ANK2: variants seen among roughly 807,000 people sequenced by gnomAD.
The protein encoded by ANK2 is ankyrin 2.
Under a neutral mutation model 360.5 loss-of-function variants are expected in ANK2, and 83 were observed. That is an observed-to-expected ratio of 0.23 (90% confidence interval 0.19 to 0.28). The LOEUF is 0.28. Ranked by LOEUF, ANK2 falls within the 10% of genes least tolerant of loss-of-function variation. The pLI is 1.00. For missense variants in ANK2, 4,201 were observed against 4,795.7 expected, an observed-to-expected ratio of 0.88 and a Z score of 3.66; for synonymous variants, 1,740 against 1,759.5, an observed-to-expected ratio of 0.99 and a Z score of 0.28.
chr4:113,329,265 T>C (rs1203438472), intron 26 of ANK2, among the ~76,000 whole-genome samples: 1 of 152,194 alleles, frequency 6.6e-6, no homozygotes, highest in Non-Finnish European at 1.5e-5. Context: ...CAAATTAACC[T>C]GGATCAGGAT....
chr4:113,233,345 C>T lies in ANK2; in HGVS notation c.483+1086C>T, dbSNP rs528991380. Among the ~76,000 whole-genome samples the T allele has an allele frequency of 2.4e-3, 361 of 150,876 alleles. 1 individual carries two copies. Among genetic ancestry groups the T allele is most frequent in the African/African-American group, 7.4e-3 (304 of 41,082 alleles). On this transcript the variant is annotated intron_variant, in intron 5 of 45. Coordinates refer to ENST00000357077, the MANE Select transcript of ANK2 (RefSeq NM_001148.6). ...AGAGACGGGGTTTCACCGTTTTAGC[C>T]GGGATGGTCTCGATCTCTTGACCTC...
upstream of ANK2, among the ~76,000 whole-genome samples, chr4:113,049,059 A>G (rs575990694): frequency 2.6e-5 from 4 of 152,134 alleles, no homozygotes; most frequent in African/African-American, 9.7e-5. Flanking sequence ...TCAGAAGCTT[A>G]CATTGGAAAG....
rs189281038 is a variant in ANK2 at position 112,831,725 on chromosome 4, A to G, written c.-40+13461A>G. On this transcript the variant is annotated intron_variant, in intron 1 of 30. Transcript: ENST00000503271. ...TCGCTCTTCACAATAAATCTTGCTG[A>G]TGCTCAGTCTTTGGGTCCACGCCAC... Among the ~76,000 whole-genome samples, 875 of 152,252 alleles carry G rather than the reference A, an allele frequency of 5.7e-3. 6 individuals carry two copies. Among genetic ancestry groups the G allele is most frequent in the African/African-American group, 0.02 (825 of 41,540 alleles).
At chr4:112,995,516 G>T (rs2048233690) in intron 2 of ANK2, among the ~76,000 whole-genome samples, 1 of 152,160 alleles carries the variant, frequency 6.6e-6, no homozygotes, top group Non-Finnish European at 1.5e-5. Flanking sequence ...TGCATAGTTT[G>T]TGAATATTTT....
chr4:113,189,464 A>C (rs933837289), intron 2 of ANK2, among the ~76,000 whole-genome samples: 3 of 152,240 alleles, frequency 2.0e-5, no homozygotes, highest in Non-Finnish European at 4.4e-5. Flanking sequence ...AATGTTTAGC[A>C]AACAATAAAT....
chr4:113,350,167 C>G, intron 36 of ANK2, 61 bp from the exon 37 acceptor site: 5 of 1,506,172 alleles, frequency 3.3e-6, no homozygotes, highest in African/African-American at 1.4e-5. Flanking sequence ...TTTGTGCACA[C>G]CAGGGGCTAT....
intron 2 of ANK2, among the ~76,000 whole-genome samples, chr4:113,019,270 A>T (rs1314676514): frequency 1.3e-5 from 2 of 152,208 alleles, no homozygotes; most frequent in Non-Finnish European, 2.9e-5. Context: ...AAATGGAAAC[A>T]CAGAGCGTGT....
In ANK2 at chr4:113,278,452, C is replaced by T. The variant is rs752177494; in HGVS notation, c.1783-8C>T. 1 of 1,613,644 alleles carries T rather than the reference C, an allele frequency of 6.2e-7. No individual in the cohort carries two copies. ...ATTAATGCTGAAACTTAAACACACC[C>T]TTTACAGAACGGCCTTACCCCGCTC... On this transcript the variant is annotated splice_polypyrimidine_tract_variant and splice_region_variant and intron_variant, in intron 16 of 45. Coordinates refer to ENST00000357077, the MANE Select transcript of ANK2 (RefSeq NM_001148.6).
rs540279052 is a variant in ANK2 at position 113,343,399 on chromosome 4, C to T, written c.4248+257C>T. On this transcript the variant is annotated intron_variant, in intron 34 of 45. Transcript: ENST00000357077. ...CAACTCATTAATTAGGCACAGTGACCGGTATTTTCCAAATTTGAAGGAAAG... is the reference window on the plus strand; with the variant it reads ...CAACTCATTAATTAGGCACAGTGACTGGTATTTTCCAAATTTGAAGGAAAG... Among the ~76,000 whole-genome samples, 29 of 152,082 alleles carry T rather than the reference C, an allele frequency of 1.9e-4. No homozygotes were observed. In the South Asian group the frequency reaches 4.4e-3, roughly 23 times the overall value.
chr4:112,928,005 T>C (rs941934589), intron 2 of ANK2, among the ~76,000 whole-genome samples: 1 of 152,224 alleles, frequency 6.6e-6, no homozygotes. Context: ...TCTTTCTGAT[T>C]TTCTAACATT....
intron 1 of ANK2, among the ~76,000 whole-genome samples, chr4:113,105,750 T>A (rs1303560653): frequency 6.6e-6 from 1 of 152,190 alleles, no homozygotes; most frequent in African/African-American, 2.4e-5. Flanking sequence ...GCCATCATGT[T>A]TGAAATTTTC....
At chr4:112,860,949 C>T (rs1471737008) in intron 1 of ANK2, among the ~76,000 whole-genome samples, 3 of 152,136 alleles carry the variant, frequency 2.0e-5, no homozygotes, top group African/African-American at 7.2e-5. Context: ...GTGCTTTCCT[C>T]AGGGAAGGTA....
At chr4:113,061,115 T>A (rs2073121679) in intron 1 of ANK2, among the ~76,000 whole-genome samples, 1 of 152,064 alleles carries the variant, frequency 6.6e-6, no homozygotes, top group South Asian at 2.1e-4. Context: ...AACTGGTGCT[T>A]TAAACTGTTT....
intron 2 of ANK2, among the ~76,000 whole-genome samples, chr4:112,951,081 CAAAAAAAA>C (rs1184265938): frequency 3.6e-5 from 2 of 55,946 alleles, no homozygotes; most frequent in African/African-American, 6.6e-5. Context: ...GCCTCCGTCT[CAAAAAAAA>C]AAAAAAAAAA....
chr4:112,921,034 G>T (rs112220498), intron 2 of ANK2, among the ~76,000 whole-genome samples: 3 of 149,394 alleles, frequency 2.0e-5, no homozygotes, highest in African/African-American at 7.4e-5. Context: ...ATAATTTTAT[G>T]TATTATTTTC....
intron 1 of ANK2, among the ~76,000 whole-genome samples, chr4:113,167,394 G>T (rs959966412): frequency 5.3e-5 from 8 of 151,530 alleles, no homozygotes; most frequent in African/African-American, 1.9e-4. Context: ...CTGCCTCCCG[G>T]ATCCGAGCGA....
chr4:113,363,866 A>G (rs2096381054), intron 40 of ANK2, among the ~76,000 whole-genome samples: 1 of 152,172 alleles, frequency 6.6e-6, no homozygotes, highest in East Asian at 1.9e-4. Flanking sequence ...GTTCCCATGC[A>G]AAGTGCTCTG....
intron 1 of ANK2, among the ~76,000 whole-genome samples, chr4:112,885,103 G>C (rs948461811): frequency 6.6e-6 from 1 of 152,106 alleles, no homozygotes; most frequent in Non-Finnish European, 1.5e-5. Flanking sequence ...TTTTATGTGG[G>C]TTTTTGGTCT....
Position 113,317,547 on chromosome 4 carries a change from T to C in ANK2, c.2694-160T>C, listed in dbSNP as rs373009235. On this transcript the variant is annotated intron_variant, in intron 24 of 45. Coordinates refer to ENST00000357077, the MANE Select transcript of ANK2 (RefSeq NM_001148.6). The stretch of plus-strand genomic sequence containing the variant: ...GTCAAAGGATGTGTTAGTTCAGCTG[T>C]TGGACAAAAAGGTAGGACAACAGAG... 1.6e-5 allele frequency: 11 copies of C among 681,900 alleles called. No homozygotes were observed. The African/African-American group carries it at 1.9e-4, about 12-fold the overall frequency. The allele number at this position is 681,900 out of a possible 1,614,324, so 42.2% of individuals were successfully genotyped here. A position where few individuals can be genotyped will look rare whatever the true frequency, so the allele number is the denominator to read the frequency against.
Sources: gnomAD v4.1 joint callset for allele counts (sites outside exome capture counted in the v4.1 genomes callset) on GRCh38, gnomAD v4.1.1 for gene constraint, MANE v1.5 for transcripts, NCBI Gene and HGNC (gene_info 2026-07-23, HGNC 2026-07-21) for gene names.